Variants in ZCCHC7 observed in about 807,000 individuals in gnomAD.
The protein encoded by ZCCHC7 is zinc finger CCHC-type containing 7.
Under a neutral mutation model 52.0 loss-of-function variants are expected in ZCCHC7, and 35 were observed. The ratio of observed to expected loss-of-function variants is 0.67; its 90% CI spans 0.51 to 0.89. The LOEUF is 0.89. Ranked by LOEUF, ZCCHC7 falls within the 40% of genes least tolerant of loss-of-function variation. The probability of loss-of-function intolerance (pLI) is 0.00; values close to 1 mark genes in which losing one functional copy is unlikely to be tolerated. For missense variants in ZCCHC7, 574 were observed against 649.1 expected (o/e 0.88, Z 1.26); for synonymous variants, 217 against 221.5 (o/e 0.98, Z 0.18).
intron 5 of ZCCHC7, among the ~76,000 whole-genome samples, chr9:37,316,029 A>AAG (rs1554729309): frequency 6.7e-6 from 1 of 149,830 alleles, no homozygotes; most frequent in African/African-American, 2.5e-5. Flanking sequence ...AAAAAAAAAA[A>AAG]GGGTTCCTTT....
At chr9:37,170,414 C>T (rs1368886853) in intron 2 of ZCCHC7, among the ~76,000 whole-genome samples, 1 of 152,142 alleles carries the variant, frequency 6.6e-6, no homozygotes, top group East Asian at 1.9e-4. Context: ...TCTCACATAC[C>T]AATTCCAATC....
intron 6 of ZCCHC7, among the ~76,000 whole-genome samples, chr9:37,334,470 G>C (rs1434828479): frequency 1.3e-5 from 2 of 151,898 alleles, no homozygotes; most frequent in Admixed American, 1.3e-4. Flanking sequence ...TCCTTGACTT[G>C]TTAACATGAA....
intron 2 of ZCCHC7, among the ~76,000 whole-genome samples, chr9:37,177,660 A>G (rs1269508354): frequency 2.0e-5 from 3 of 152,220 alleles, no homozygotes; most frequent in Non-Finnish European, 2.9e-5. Flanking sequence ...TAAGACTGAC[A>G]TGAAAGATCA....
chr9:37,346,930 A>C (rs1484892658), intron 6 of ZCCHC7, among the ~76,000 whole-genome samples: 1 of 152,174 alleles, frequency 6.6e-6, no homozygotes, highest in African/African-American at 2.4e-5. Flanking sequence ...TGGGAGGTCG[A>C]GGCTGCAGTG....
At chr9:37,199,798 T>C (rs1243898823) in intron 2 of ZCCHC7, among the ~76,000 whole-genome samples, 2 of 152,112 alleles carry the variant, frequency 1.3e-5, no homozygotes, top group Admixed American at 6.5e-5. Flanking sequence ...CTCCACCTCC[T>C]GGGTTCACGC....
chr9:37,307,475 T>C (rs1829381592), intron 5 of ZCCHC7, among the ~76,000 whole-genome samples: 1 of 152,166 alleles, frequency 6.6e-6, no homozygotes, highest in African/African-American at 2.4e-5. Context: ...ATTTAAGGGG[T>C]ATTTATGAAA....
chr9:37,198,849 G>T (rs540628579), intron 2 of ZCCHC7, among the ~76,000 whole-genome samples: 2 of 152,292 alleles, frequency 1.3e-5, no homozygotes, highest in African/African-American at 4.8e-5. Flanking sequence ...GAAGGAAGAG[G>T]CATCAAAGAC....
intron 2 of ZCCHC7, among the ~76,000 whole-genome samples, chr9:37,257,057 T>TA: frequency 6.6e-6 from 1 of 152,220 alleles, no homozygotes; most frequent in Non-Finnish European, 1.5e-5. Context: ...GTTTTCAAGG[T>TA]GGCTTTGAAT....
chr9:37,136,185 G>A (rs1270773481), intron 2 of ZCCHC7, among the ~76,000 whole-genome samples: 1 of 152,044 alleles, frequency 6.6e-6, no homozygotes, highest in East Asian at 1.9e-4. Flanking sequence ...TTGTTATTGG[G>A]TCTGTTACAG....
At chr9:37,322,009 ATT>A (rs1830073842) in intron 5 of ZCCHC7, among the ~76,000 whole-genome samples, 1 of 152,178 alleles carries the variant, frequency 6.6e-6, no homozygotes, top group African/African-American at 2.4e-5. Flanking sequence ...TGCCATCAAC[ATT>A]AGTTTTTATT....
intron 2 of ZCCHC7, among the ~76,000 whole-genome samples, chr9:37,224,320 G>C (rs998431411): frequency 3.3e-5 from 5 of 152,068 alleles, no homozygotes; most frequent in Non-Finnish European, 7.4e-5. Flanking sequence ...AATCAGTGTG[G>C]CAACTATCCC....
intron 2 of ZCCHC7, among the ~76,000 whole-genome samples, chr9:37,229,065 G>A (rs1163835300): frequency 6.6e-6 from 1 of 151,878 alleles, no homozygotes; most frequent in African/African-American, 2.4e-5. Flanking sequence ...GAACTCCTGA[G>A]CTCAAGCAAT....
At chr9:37,177,699 T>C (rs1204041229) in intron 2 of ZCCHC7, among the ~76,000 whole-genome samples, 1 of 152,192 alleles carries the variant, frequency 6.6e-6, no homozygotes, top group Non-Finnish European at 1.5e-5. Context: ...ACTCTTGATA[T>C]GATATAATGA....
At chr9:37,223,089 A>G (rs1457557113) in intron 2 of ZCCHC7, among the ~76,000 whole-genome samples, 2 of 152,192 alleles carry the variant, frequency 1.3e-5, no homozygotes, top group Non-Finnish European at 2.9e-5. Context: ...AGTTACCAAA[A>G]GTCTTAAATG....
intron 2 of ZCCHC7, among the ~76,000 whole-genome samples, chr9:37,214,675 A>G (rs777447421): frequency 3.3e-5 from 5 of 151,714 alleles, no homozygotes; most frequent in Non-Finnish European, 5.9e-5. Flanking sequence ...TTTAATTCTT[A>G]TTTTCTTTGA....
At chr9:37,277,352 A>G (rs1400243660) in intron 2 of ZCCHC7, among the ~76,000 whole-genome samples, 3 of 152,192 alleles carry the variant, frequency 2.0e-5, no homozygotes, top group African/African-American at 7.2e-5. Flanking sequence ...GCTTCAAAAC[A>G]TAATCTGGCC....
chr9:37,150,078 G>GA (rs1050928746), intron 2 of ZCCHC7, among the ~76,000 whole-genome samples: 1 of 152,202 alleles, frequency 6.6e-6, no homozygotes, highest in Non-Finnish European at 1.5e-5. Context: ...TGCTCCTAAG[G>GA]AAAGGAGGAT....
At chr9:37,336,875 T>G (rs1830688586) in intron 6 of ZCCHC7, among the ~76,000 whole-genome samples, 1 of 152,274 alleles carries the variant, frequency 6.6e-6, no homozygotes, top group Non-Finnish European at 1.5e-5. Flanking sequence ...TCCTTCTCCA[T>G]CCATGTACTA....
intron 2 of ZCCHC7, among the ~76,000 whole-genome samples, chr9:37,256,251 CTCTT>C (rs1213964610): frequency 1.3e-5 from 2 of 152,144 alleles, no homozygotes; most frequent in East Asian, 1.9e-4. Context: ...GCTTTATGTA[CTCTT>C]TCTTTATATA....
Sources: allele counts gnomAD v4.1 joint callset (sites outside exome capture counted in the v4.1 genomes callset), GRCh38; gene constraint gnomAD v4.1.1; transcripts MANE v1.5; gene names NCBI Gene and HGNC (gene_info 2026-07-23, HGNC 2026-07-21).